The following MMUT variants were observed in gnomAD, a reference collection of about 807,000 sequenced individuals.
MMUT encodes the protein methylmalonyl-CoA mutase, also known as methylmalonyl-CoA mutase, mitochondrial.
Under a neutral mutation model 79.9 loss-of-function variants are expected in MMUT, and 79 were observed. That is an observed-to-expected ratio of 0.99 (90% CI 0.82 to 1.19). The LOEUF (loss-of-function observed/expected upper bound fraction) is 1.19. Among genes scored for constraint, MMUT ranks in the 50% most tolerant of loss-of-function variants. The pLI, the probability that MMUT is intolerant of heterozygous loss-of-function variation, is 0.00. For missense variants in MMUT, 860 were observed against 917.2 expected (o/e 0.94, Z 0.81); for synonymous variants, 273 against 295.7 (o/e 0.92, Z 0.79).
chr6:49,431,014 A>C lies in MMUT; in HGVS notation c.*714T>G, dbSNP rs1326189926. The stretch of plus-strand genomic sequence containing the variant: ...TGACATCACCATTCTAGACAAAGCC[A>C]TAACTACAACCTAAGCACTTTTATT... On this transcript the variant is annotated 3_prime_UTR_variant, in exon 13 of 13. Transcript: ENST00000274813. 2 of 152,286 alleles carry C rather than the reference A, an allele frequency of 1.3e-5. No individual in the cohort carries two copies. The highest frequency in any genetic ancestry group is 2.9e-5 in the Non-Finnish European group (2 of 68,080). The allele number at this position is 152,286 out of a possible 1,614,324, so 9.4% of individuals were successfully genotyped here.
At chr6:49,443,640 A>G (rs1767335680) in intron 9 of MMUT, 2 of 216,206 alleles carry the variant, frequency 9.3e-6, no homozygotes, top group Admixed American at 1.1e-4. Context: ...GATACATATA[A>G]TGAGATAATT....
chr6:49,435,977 C>T (rs1453227783), intron 11 of MMUT, among the ~76,000 whole-genome samples: 1 of 152,148 alleles, frequency 6.6e-6, no homozygotes, highest in Non-Finnish European at 1.5e-5. Context: ...CATGAACAGA[C>T]ACTTTCCAAA....
Position 49,444,765 on chromosome 6 carries a change from A to G in MMUT, c.1561-11T>C. Reference sequence around the variant, plus strand: ...CCTGCTGGATTTGATCTATGGAAAAAGTCAAGGAAAGGGACAATTTACATG... The same window carrying G: ...CCTGCTGGATTTGATCTATGGAAAAGGTCAAGGAAAGGGACAATTTACATG... On this transcript the variant is annotated splice_polypyrimidine_tract_variant and intron_variant, in intron 8 of 12. Coordinates refer to ENST00000274813, the MANE Select transcript of MMUT (RefSeq NM_000255.4). 2 of 1,591,638 alleles carry G rather than the reference A, an allele frequency of 1.3e-6. No individual in the cohort carries two copies. The highest frequency in any genetic ancestry group is 8.6e-7 in the Non-Finnish European group (1 of 1,159,754).
rs776011450 is a variant in MMUT, at chr6:49,431,318, T to C, written c.*410A>G. 1 of 154,058 alleles carries C rather than the reference T, an allele frequency of 6.5e-6. No individual in the cohort carries two copies. Among genetic ancestry groups the C allele is most frequent in the East Asian group, 1.9e-4 (1 of 5,258 alleles). The allele number at this position is 154,058 out of a possible 1,614,324, so 9.5% of individuals were successfully genotyped here. On this transcript the variant is annotated 3_prime_UTR_variant, in exon 13 of 13. Transcript: ENST00000274813. ...GGTTTTTATTAATATATGGATTTTA[T>C]TTTCTGGTGCTCAAGACAATGTAAT...
At position 49,431,835 on chromosome 6, in the gene MMUT, C is replaced by A. The variant is rs763572961; in HGVS notation, c.2146G>T (p.Val716Phe). The A allele has an allele frequency of 6.2e-7, 1 of 1,613,744 alleles. No homozygotes were observed. Among genetic ancestry groups the A allele is most frequent in the South Asian group, 1.1e-5 (1 of 91,070 alleles). The change falls in exon 13 of 13, where the codon GTT becomes TTT. Residue 716 changes from valine (V) to phenylalanine (F), a missense_variant. Val to Phe is a conservative substitution (Grantham distance 50, BLOSUM62 -1). Transcript: ENST00000274813. ...PPQDYEFLFE[V>F]GVSNVFGPGT... ...GGACCAAATACATTGGAAACACCAA[C>A]TTCAAACAGAAATTCATAATCCTGT... is the stretch of plus-strand genomic sequence containing the variant.
intron 10 of MMUT, 66 bp downstream of exon 10, chr6:49,441,774 G>A: frequency 6.6e-7 from 1 of 1,516,848 alleles, no homozygotes; most frequent in South Asian, 1.3e-5. Context: ...TAAGCTCCCA[G>A]TAGATTCAAG....
chr6:49,458,946 A>C (rs906229777), intron 2 of MMUT, 136 bp downstream of exon 2: 2 of 891,202 alleles, frequency 2.2e-6, no homozygotes, highest in African/African-American at 3.4e-5. Context: ...AAAAAAATCC[A>C]CTTTTTTCAG....
chr6:49,442,193 T>C (rs1767294366), intron 9 of MMUT, among the ~76,000 whole-genome samples: 1 of 152,122 alleles, frequency 6.6e-6, no homozygotes, highest in Non-Finnish European at 1.5e-5. Flanking sequence ...TTTCAACATT[T>C]GTCAACCAAG....
chr6:49,437,379 C>T (rs1455548436), intron 11 of MMUT, among the ~76,000 whole-genome samples: 5 of 151,960 alleles, frequency 3.3e-5, no homozygotes, highest in Non-Finnish European at 5.9e-5. Context: ...ACAATAGCCA[C>T]ACAATTATAC....
chr6:49,452,499 AT>A (rs778572155), intron 5 of MMUT, among the ~76,000 whole-genome samples: 3 of 151,826 alleles, frequency 2.0e-5, no homozygotes, highest in South Asian at 2.1e-4. Flanking sequence ...CACCTGGCTA[AT>A]TTTTTTGTAT....
chr6:49,448,673 T>C (rs546487363), intron 7 of MMUT, 143 bp downstream of exon 7: 156 of 677,208 alleles, frequency 2.3e-4, no homozygotes, highest in Non-Finnish European at 3.9e-4. Context: ...CATATATAGA[T>C]AGATACAAGT....
Position 49,451,454 on chromosome 6 carries a change from G to T in MMUT, c.1332+12C>A. ...AATTCTGAAAACAAAGTTGCAAAGT[G>T]GAAAAACTTACCTTTAAAGCAGCAT... On this transcript the variant is annotated intron_variant, in intron 6 of 12. Coordinates refer to ENST00000274813, the MANE Select transcript of MMUT (RefSeq NM_000255.4). 1 of 1,613,592 alleles carries T rather than the reference G, an allele frequency of 6.2e-7. No homozygotes were observed. Among genetic ancestry groups the T allele is most frequent in the African/African-American group, 1.3e-5 (1 of 75,014 alleles).
At chr6:49,460,266 TAGGTA>T (rs1217532231) in intron 1 of MMUT, among the ~76,000 whole-genome samples, 1 of 152,064 alleles carries the variant, frequency 6.6e-6, no homozygotes, top group African/African-American at 2.4e-5. Context: ...CCCTAAGAGG[TAGGTA>T]CTATTATTAT....
At chr6:49,442,869 C>A (rs1023511718) in intron 9 of MMUT, among the ~76,000 whole-genome samples, 2 of 152,016 alleles carry the variant, frequency 1.3e-5, no homozygotes, top group African/African-American at 4.8e-5. Flanking sequence ...TCTAGCACAT[C>A]TTGCAGACTA....
chr6:49,433,803 T>A (rs941190367), intron 12 of MMUT, among the ~76,000 whole-genome samples: 5 of 152,124 alleles, frequency 3.3e-5, no homozygotes, highest in Non-Finnish European at 7.4e-5. Context: ...ATAGCAACAT[T>A]TTACATATTC....
At position 49,450,656 on chromosome 6, in the gene MMUT, G is replaced by A. The variant is rs1278013616; in HGVS notation, c.1332+810C>T. Among the ~76,000 whole-genome samples, 3 of 152,092 alleles carry A rather than the reference G, an allele frequency of 2.0e-5. No individual in the cohort carries two copies. In the East Asian group the frequency reaches 5.8e-4, roughly 29 times the overall value. On this transcript the variant is annotated intron_variant, in intron 6 of 12. Transcript: ENST00000274813. Reference sequence around the variant, plus strand: ...TGGAAATAATGTCAAGCTTAGTCAGGCTATTAATCAATTATAAAAATAGAA... The same window carrying A: ...TGGAAATAATGTCAAGCTTAGTCAGACTATTAATCAATTATAAAAATAGAA...
intron 9 of MMUT, among the ~76,000 whole-genome samples, chr6:49,443,477 T>C (rs1767331033): frequency 6.6e-6 from 1 of 152,078 alleles, no homozygotes; most frequent in Non-Finnish European, 1.5e-5. Flanking sequence ...TTATGGCTAT[T>C]AATATTGTAG....
chr6:49,458,946 ACT>A, intron 2 of MMUT, 134 bp downstream of exon 2: 1 of 891,320 alleles, frequency 1.1e-6, no homozygotes, highest in Non-Finnish European at 1.6e-6. Context: ...AAAAAAATCC[ACT>A]TTTTTCAGAG....
intron 5 of MMUT, among the ~76,000 whole-genome samples, 192 bp from the exon 6 acceptor site, chr6:49,451,906 TA>T (rs1224701857): frequency 1.3e-5 from 2 of 152,246 alleles, no homozygotes; most frequent in Non-Finnish European, 2.9e-5. Context: ...GTTCAGTGTT[TA>T]GTGCCTCTTA....
Sources: gnomAD v4.1 joint callset for allele counts (sites outside exome capture counted in the v4.1 genomes callset) on GRCh38, gnomAD v4.1.1 for gene constraint, MANE v1.5 for transcripts, NCBI Gene and HGNC (gene_info 2026-07-23, HGNC 2026-07-21) for gene names.